The following UFSP2 variants were observed in gnomAD, a reference collection of about 807,000 sequenced individuals.
UFSP2 encodes ufm1-specific protease 2.
A neutral mutation model predicts 60.2 loss-of-function variants in UFSP2; 43 were observed. The observed-to-expected ratio is 0.71, with a 90% CI of 0.56 to 0.92. The LOEUF (loss-of-function observed/expected upper bound fraction) is 0.92, where lower values mean the gene tolerates loss of function less well. Ranked by LOEUF, UFSP2 falls within the 40% of genes least tolerant of loss-of-function variation. The pLI is 0.00. For synonymous variants in UFSP2, 183 were observed against 195.1 expected (o/e 0.94, Z 0.52); for missense variants, 520 against 575.0 (o/e 0.90, Z 0.98).
intron 1 of UFSP2, among the ~76,000 whole-genome samples, chr4:185,423,339 T>C (rs189037773): frequency 6.6e-6 from 1 of 152,260 alleles, no homozygotes; most frequent in East Asian, 1.9e-4. Context: ...GAACCTAATA[T>C]AATACCAGGG....
intron 10 of UFSP2, 32 bp downstream of exon 10, chr4:185,405,748 C>T (rs973903061): frequency 1.2e-6 from 2 of 1,603,854 alleles, no homozygotes; most frequent in Non-Finnish European, 1.7e-6. Flanking sequence ...ATATTACTCA[C>T]TCTACCAAAA....
intron 11 of UFSP2, among the ~76,000 whole-genome samples, chr4:185,401,620 C>G (rs1222665927): frequency 6.6e-6 from 1 of 152,186 alleles, no homozygotes; most frequent in Non-Finnish European, 1.5e-5. Flanking sequence ...AGAGATGGAA[C>G]TCTCCTCTGG....
intron 1 of UFSP2, among the ~76,000 whole-genome samples, chr4:185,424,158 T>G (rs1261405892): frequency 6.8e-6 from 1 of 148,110 alleles, no homozygotes; most frequent in Non-Finnish European, 1.5e-5. Context: ...AAAAAAAAAA[T>G]TAGCTGAGTG....
At chr4:185,420,532 G>A (rs1258329705) in intron 2 of UFSP2, among the ~76,000 whole-genome samples, 1 of 152,004 alleles carries the variant, frequency 6.6e-6, no homozygotes, top group Middle Eastern at 3.2e-3. Flanking sequence ...GACCATACTG[G>A]TATCTTGATA....
At chr4:185,424,436 A>G (rs937754395) in intron 1 of UFSP2, among the ~76,000 whole-genome samples, 1 of 152,244 alleles carries the variant, frequency 6.6e-6, no homozygotes, top group Non-Finnish European at 1.5e-5. Flanking sequence ...ATCCTTTGTC[A>G]CATTTCTATA....
intron 9 of UFSP2, 107 bp from the exon 10 acceptor site, chr4:185,405,963 A>G (rs1389753942): frequency 6.4e-7 from 1 of 1,570,494 alleles, no homozygotes; most frequent in Non-Finnish European, 8.6e-7. Context: ...GGTGTTACTG[A>G]AAAAATATAT....
At chr4:185,405,657 T>C (rs896639231) in intron 10 of UFSP2, 123 bp downstream of exon 10, 29 of 1,007,028 alleles carry the variant, frequency 2.9e-5, no homozygotes, top group Non-Finnish European at 3.9e-5. Flanking sequence ...TCCATACATA[T>C]GGTGTAAAAG....
chr4:185,411,664 A>AG (rs1182310533), intron 7 of UFSP2, among the ~76,000 whole-genome samples: 7 of 152,180 alleles, frequency 4.6e-5, no homozygotes, highest in African/African-American at 1.7e-4. Context: ...AATGGTTCAG[A>AG]GGGGGAAAAA....
rs745512760 is a variant in UFSP2, at chr4:185,408,443, C to T, written c.832-8G>A. 5 of 1,611,680 alleles carry T rather than the reference C, an allele frequency of 3.1e-6. No individual in the cohort carries two copies. The highest frequency in any genetic ancestry group is 2.2e-5 in the South Asian group (2 of 90,824). The stretch of plus-strand genomic sequence containing the variant: ...GCCCTGGACCACATAAATCTATATA[C>T]AGAGAAGAAACACAGTAAAATATTA... On this transcript the variant is annotated splice_region_variant and splice_polypyrimidine_tract_variant and intron_variant, in intron 7 of 11. Transcript: ENST00000264689.
At chr4:185,412,845 C>T (rs1162417734) in intron 7 of UFSP2, among the ~76,000 whole-genome samples, 2 of 152,136 alleles carry the variant, frequency 1.3e-5, no homozygotes, top group African/African-American at 4.8e-5. Context: ...TATTCCTAAT[C>T]TTGGATGCCT....
chr4:185,423,017 C>T (rs1331169983), intron 1 of UFSP2, among the ~76,000 whole-genome samples: 2 of 152,186 alleles, frequency 1.3e-5, no homozygotes. Flanking sequence ...CACCACCACG[C>T]CTGGCTAATT....
At position 185,424,492 on chromosome 4, in the gene UFSP2, A is replaced by T. The variant is rs983279939; in HGVS notation, c.3+1374T>A. 2.6e-5 allele frequency among the ~76,000 whole-genome samples: 4 copies of T among 152,322 alleles called. No individual in the cohort carries two copies. In the South Asian group the frequency reaches 8.3e-4, roughly 32 times the overall value. On this transcript the variant is annotated intron_variant, in intron 1 of 11. Transcript: ENST00000264689. ...TTCTAAAATTGTAATCTTTTGAAAG[A>T]TCATATACCCTTTGTCCCAATTCTA... is the stretch of plus-strand genomic sequence containing the variant.
rs56260529 is a variant in UFSP2 at position 185,418,047 on chromosome 4, A to AACAC, written c.333+390_333+393dup. 2.8e-3 allele frequency among the ~76,000 whole-genome samples: 399 copies of AACAC among 143,056 alleles called. 2 individuals carry two copies. Among genetic ancestry groups the AACAC allele is most frequent in the African/African-American group, 9.7e-3 (362 of 37,412 alleles). 93.9% of individuals were successfully genotyped at this position (143,056 alleles called of 152,430 possible). A position where few individuals can be genotyped will look rare whatever the true frequency, so the allele number is the denominator to read the frequency against. Reference sequence around the variant, plus strand: ...TAAAAAGAGTGAAACTCCATCTCAAAACACACACACACACACACACAAACA... The same window carrying AACAC: ...TAAAAAGAGTGAAACTCCATCTCAAAACACACACACACACACACACACACAAACA... On this transcript the variant is annotated intron_variant, in intron 4 of 11. Coordinates refer to ENST00000264689, the MANE Select transcript of UFSP2 (RefSeq NM_018359.5).
At chr4:185,420,826 C>T (rs1032342826) in intron 2 of UFSP2, among the ~76,000 whole-genome samples, 2 of 152,162 alleles carry the variant, frequency 1.3e-5, no homozygotes, top group African/African-American at 4.8e-5. Context: ...AGAAGGAATA[C>T]AATCAAGTCA....
chr4:185,418,825 T>C, intron 2 of UFSP2, 55 bp from the exon 3 acceptor site: 2 of 1,395,124 alleles, frequency 1.4e-6, no homozygotes, highest in East Asian at 2.5e-5. Context: ...TCAACATGAA[T>C]GGTTCCAAAC....
chr4:185,402,580 A>T (rs1396953775), intron 11 of UFSP2, among the ~76,000 whole-genome samples: 2 of 152,092 alleles, frequency 1.3e-5, no homozygotes, highest in Non-Finnish European at 2.9e-5. Context: ...GGTTCAAGTG[A>T]TTCCCCTGCC....
Position 185,403,618 on chromosome 4 carries a change from C to T in UFSP2, c.1199G>A (p.Gly400Glu), listed in dbSNP as rs878937357. Residue 400 changes from glycine to glutamate, a missense_variant and splice_region_variant, in exon 11 of 12, where the codon GGG (glycine) becomes GAG (glutamate). Transcript: ENST00000264689. ...TATTGTGTGGGCCAAAACTCCTCCC[C>T]CTATAGAAGAAAAAATAGGAAATAC... The part of the protein sequence containing the change: ...FQSEGTPVMI[G>E]GGVLAHTILG... The T allele has an allele frequency of 6.3e-7, 1 of 1,599,070 alleles. No individual in the cohort carries two copies.
rs2095536706 is a variant in UFSP2 at position 185,415,372 on chromosome 4, A to ATTACTTT, written c.492-26_492-25insAAAGTAA. 2.6e-6 allele frequency: 4 copies of ATTACTTT among 1,528,898 alleles called. No homozygotes were observed. The Admixed American group carries it at 9.6e-5, about 37-fold the overall frequency. The allele number at this position is 1,528,898 out of a possible 1,614,324, so 94.7% of individuals were successfully genotyped here. A position where few individuals can be genotyped will look rare whatever the true frequency, so the allele number is the denominator to read the frequency against. The stretch of plus-strand genomic sequence containing the variant: ...TCTGTGGGGGGAAATATATAAGTGT[A>ATTACTTT]TTAACAAAAGTTATAGTGACTACAA... On this transcript the variant is annotated intron_variant, in intron 5 of 11. Transcript: ENST00000264689.
In UFSP2 at chr4:185,413,656, G is replaced by A. The variant is rs537207355; in HGVS notation, c.831+70C>T. On this transcript the variant is annotated intron_variant, in intron 7 of 11. Transcript: ENST00000264689. ...TACATAATGAATCAAGTCTCCTACT[G>A]GGTACCAACAAAAAACAACTAATAA... The A allele has an allele frequency of 2.8e-6, 4 of 1,426,606 alleles. No homozygotes were observed. In the South Asian group the frequency reaches 5.6e-5, roughly 20 times the overall value. The allele number at this position is 1,426,606 out of a possible 1,614,324, so 88.4% of individuals were successfully genotyped here.
Sources: allele counts gnomAD v4.1 joint callset (sites outside exome capture counted in the v4.1 genomes callset), GRCh38; gene constraint gnomAD v4.1.1; transcripts MANE v1.5; gene names NCBI Gene and HGNC (gene_info 2026-07-23, HGNC 2026-07-21).